The following MMEL1 variants were observed in gnomAD, a reference collection of about 807,000 sequenced individuals.
MMEL1 encodes the protein membrane metallo-endopeptidase-like 1.
In MMEL1, 98 loss-of-function variants were observed where a neutral mutation model predicts 117.1. The observed-to-expected ratio is 0.84, with a 90% confidence interval of 0.71 to 0.99. The LOEUF (loss-of-function observed/expected upper bound fraction) is 0.99. MMEL1 is among the 50% of genes least tolerant of loss of function. The pLI is 0.00. For missense variants in MMEL1, 1,014 were observed against 1,049.1 expected, an observed-to-expected ratio of 0.97 and a Z score of 0.46; for synonymous variants, 390 against 415.1, an observed-to-expected ratio of 0.94 and a Z score of 0.74.
chr1:2,594,268 T>C, intron 18 of MMEL1, 117 bp downstream of exon 18: 1 of 1,133,872 alleles, frequency 8.8e-7, no homozygotes, highest in Non-Finnish European at 1.3e-6. Context: ...CATAGGAGAA[T>C]GTTCCAAGAA....
Position 2,595,299 on chromosome 1 carries a change from G to C in MMEL1, c.1561C>G (p.Arg521Gly), listed in dbSNP as rs745908222. 6.2e-7 allele frequency: 1 copy of C among 1,613,660 alleles called. No homozygotes were observed. Among genetic ancestry groups the C allele is most frequent in the Non-Finnish European group, 8.5e-7 (1 of 1,179,994 alleles). The change falls in exon 16 of 24, where the codon CGC (arginine) becomes GGC (glycine). Residue 521 changes from arginine to glycine, a missense_variant. Arg to Gly is a moderately radical substitution (Grantham distance 125). Transcript: ENST00000378412. This position sits in a 1 kb window ranked among gnomAD's most constrained non-coding sequence, Gnocchi z 4.8. ...ACATTGGAGTACTCCTCGTCCAGGC[G>C]CCTGTTCATCTCCTCCAGGATGTAG... ...PDYILEEMNRRLDEEYSNLNF... is the reference protein window; with the variant it reads ...PDYILEEMNRGLDEEYSNLNF...
chr1:2,612,169 A>G lies in MMEL1; in HGVS notation c.190T>C (p.Phe64Leu), dbSNP rs780446615. The G allele has an allele frequency of 1.3e-6, 2 of 1,581,672 alleles. No homozygotes were observed. The change falls in exon 3 of 24, where the codon TTC becomes CTC. Residue 64 changes from phenylalanine to leucine, a missense_variant. Coordinates refer to ENST00000378412, the MANE Select transcript of MMEL1 (RefSeq NM_033467.4). The surrounding 1 kb of genome is among the most constrained non-coding windows in gnomAD (Gnocchi z 5.4). ...ACAAAGGTCCTCTCCTCCTGTAAGAAGCACAGCCGGCTAGCAAGGCGTGGC... is the reference window on the plus strand; with the variant it reads ...ACAAAGGTCCTCTCCTCCTGTAAGAGGCACAGCCGGCTAGCAAGGCGTGGC... Reference protein sequence around the residue: ...QLPRLASRLCFLQEERTFVKR... With the variant: ...QLPRLASRLCLLQEERTFVKR...
chr1:2,592,880 T>TC lies in MMEL1; in HGVS notation c.1953dup (p.Ile652AspfsTer29). The TC allele has an allele frequency of 1.2e-6, 2 of 1,613,712 alleles. No homozygotes were observed. The highest frequency in any genetic ancestry group is 1.7e-6 in the Non-Finnish European group (2 of 1,179,924). On this transcript the variant is annotated frameshift_variant, in exon 20 of 24. Transcript: ENST00000378412. LOFTEE classifies it high-confidence loss of function. ...CAGGAGTAGTTGCCGTACTGGTAGATCATGCACTCTGACTGCTCCCGGAAG... is the reference window on the plus strand; with the variant it reads ...CAGGAGTAGTTGCCGTACTGGTAGATCCATGCACTCTGACTGCTCCCGGAAG...
At chr1:2,596,256 G>T in intron 14 of MMEL1, 149 bp from the exon 15 acceptor site, 1 of 777,404 alleles carries the variant, frequency 1.3e-6, no homozygotes, top group South Asian at 1.7e-5. Context: ...GTGTGGGGCC[G>T]GTGGGGGGAT....
At chr1:2,610,196 T>C (rs1209428009) in intron 4 of MMEL1, among the ~76,000 whole-genome samples, 1 of 152,066 alleles carries the variant, frequency 6.6e-6, no homozygotes, top group Non-Finnish European at 1.5e-5. Flanking sequence ...GTGTGTCTCC[T>C]CTCCCGAATG....
rs1001817311 is a variant in MMEL1, at chr1:2,590,762, C to T, written c.*228G>A. The T allele has an allele frequency of 7.4e-6, 3 of 404,538 alleles. No homozygotes were observed. Among genetic ancestry groups the T allele is most frequent in the South Asian group, 1.0e-4 (1 of 9,672 alleles). 25.1% of individuals were successfully genotyped at this position (404,538 alleles called of 1,614,324 possible). ...GAGCTGTGACGGGGGCACTGAGCCC[C>T]GCGGGTGTCTGTGGAGGGGGCTCCG... On this transcript the variant is annotated 3_prime_UTR_variant, in exon 24 of 24. Transcript: ENST00000378412.
At chr1:2,598,909 G>T in intron 11 of MMEL1, 119 bp from the exon 12 acceptor site, 2 of 808,838 alleles carry the variant, frequency 2.5e-6, no homozygotes, top group Non-Finnish European at 3.8e-6. Flanking sequence ...AGAAGTGCAG[G>T]TAATCAGAAT....
Position 2,596,615 on chromosome 1 carries a change from G to T in MMEL1, c.1347C>A (p.Asn449Lys). 1 of 1,613,106 alleles carries T rather than the reference G, an allele frequency of 6.2e-7. No individual in the cohort carries two copies. ...CVGYVNSNME[N>K]AVGSLYVREA... ...CCCTGACGTAGAGGGAGCCCACGGC[G>T]TTCTCCATGTTGCTGTTGACGTAGC... The change falls in exon 14 of 24, where the codon AAC becomes AAA. Residue 449 changes from asparagine (N) to lysine (K), a missense_variant. By Grantham distance (94) the Asn-to-Lys change is moderately conservative. Coordinates refer to ENST00000378412, the MANE Select transcript of MMEL1 (RefSeq NM_033467.4).
intron 8 of MMEL1, among the ~76,000 whole-genome samples, chr1:2,606,010 G>A (rs368602648): frequency 1.6e-4 from 25 of 152,270 alleles, no homozygotes; most frequent in African/African-American, 2.4e-4. Flanking sequence ...AGGAGCCCCC[G>A]CCCCTCTGAC....
intron 2 of MMEL1, among the ~76,000 whole-genome samples, chr1:2,625,161 C>T (rs1425636870): frequency 6.6e-6 from 1 of 152,176 alleles, no homozygotes; most frequent in Non-Finnish European, 1.5e-5. Flanking sequence ...ATCTCATGTC[C>T]TTCTCACATT....
intron 22 of MMEL1, 72 bp downstream of exon 22, chr1:2,591,848 GGTCCCTGGAGGT>G: frequency 7.3e-7 from 1 of 1,377,006 alleles, no homozygotes; most frequent in Admixed American, 1.7e-5. Flanking sequence ...GCTGGGCTCT[GGTCCCTGGAGGT>G]GCCCCAGAGT....
chr1:2,620,565 A>T (rs1645274213), intron 2 of MMEL1, among the ~76,000 whole-genome samples: 1 of 151,998 alleles, frequency 6.6e-6, no homozygotes, highest in African/African-American at 2.4e-5. Context: ...TAATGTGACT[A>T]TTTGGGGATA....
intron 9 of MMEL1, among the ~76,000 whole-genome samples, chr1:2,604,751 T>C (rs951112482): frequency 6.6e-6 from 1 of 152,138 alleles, no homozygotes; most frequent in African/African-American, 2.4e-5. Flanking sequence ...CTCAGGGAGC[T>C]GCCTTCCTCG....
rs561814032 is a variant in MMEL1, at chr1:2,598,791, C to G, written c.1042-1G>C. ...GTATGAACAGAGTCCAGTTAAATCCCTGCAGATAGAGGAAGTGGGGAGAAA... is the reference window on the plus strand; with the variant it reads ...GTATGAACAGAGTCCAGTTAAATCCGTGCAGATAGAGGAAGTGGGGAGAAA... On this transcript the variant is annotated splice_acceptor_variant, in intron 11 of 23. Coordinates refer to ENST00000378412, the MANE Select transcript of MMEL1 (RefSeq NM_033467.4). LOFTEE classifies it high-confidence loss of function. The G allele has an allele frequency of 6.2e-7, 1 of 1,608,674 alleles. No individual in the cohort carries two copies. Among genetic ancestry groups the G allele is most frequent in the Middle Eastern group, 1.7e-4 (1 of 6,048 alleles).
At chr1:2,602,810 T>C (rs1011562051) in intron 11 of MMEL1, among the ~76,000 whole-genome samples, 39 of 152,370 alleles carry the variant, frequency 2.6e-4, no homozygotes, top group African/African-American at 9.1e-4. Flanking sequence ...TGGCCCCAGA[T>C]GGCCATGGCC....
At position 2,633,009 on chromosome 1, in the gene MMEL1, G is replaced by C. The variant is rs1020739395; in HGVS notation, c.-181C>G. 1 of 985,712 alleles carries C rather than the reference G, an allele frequency of 1.0e-6. No homozygotes were observed. Among genetic ancestry groups the C allele is most frequent in the Non-Finnish European group, 1.2e-6 (1 of 830,264 alleles). The allele number at this position is 985,712 out of a possible 1,614,324, so 61.1% of individuals were successfully genotyped here. A position where few individuals can be genotyped will look rare whatever the true frequency, so the allele number is the denominator to read the frequency against. ...GAGCAGTGGCTTGGGGCTGAGTTGAGGCTGCCTGAAGGCTTCTGGGCCTCC... is the reference window on the plus strand; with the variant it reads ...GAGCAGTGGCTTGGGGCTGAGTTGACGCTGCCTGAAGGCTTCTGGGCCTCC... On this transcript the variant is annotated 5_prime_UTR_variant, in exon 1 of 24. Transcript: ENST00000378412.
intron 2 of MMEL1, among the ~76,000 whole-genome samples, chr1:2,621,315 A>G (rs1348131572): frequency 1.3e-5 from 2 of 152,200 alleles, no homozygotes; most frequent in African/African-American, 4.8e-5. Context: ...AGAGACCTTA[A>G]GACTGAGAGA....
intron 9 of MMEL1, among the ~76,000 whole-genome samples, chr1:2,605,353 C>T (rs1286022251): frequency 2.0e-5 from 3 of 152,154 alleles, no homozygotes; most frequent in Admixed American, 6.5e-5. Context: ...AGGCCTGGCC[C>T]GGGTGTTGAG....
Position 2,596,608 on chromosome 1 carries a change from C to T in MMEL1, c.1354G>A (p.Gly452Ser), listed in dbSNP as rs1644845085. ...AACGCCTCCCTGACGTAGAGGGAGCCCACGGCGTTCTCCATGTTGCTGTTG... is the reference window on the plus strand; with the variant it reads ...AACGCCTCCCTGACGTAGAGGGAGCTCACGGCGTTCTCCATGTTGCTGTTG... ...YVNSNMENAV[G>S]SLYVREAFPG... is the part of the protein sequence containing the mutation. The change falls in exon 14 of 24, where the codon GGC (glycine) becomes AGC (serine). Residue 452 changes from glycine (G) to serine (S), a missense_variant. Transcript: ENST00000378412. 6.2e-7 allele frequency: 1 copy of T among 1,613,018 alleles called. No homozygotes were observed. The highest frequency in any genetic ancestry group is 8.5e-7 in the Non-Finnish European group (1 of 1,179,838).
Sources: allele counts gnomAD v4.1 joint callset (sites outside exome capture counted in the v4.1 genomes callset), GRCh38; gene constraint gnomAD v4.1.1; non-coding constraint Gnocchi (gnomAD v3.1); transcripts MANE v1.5; gene names NCBI Gene and HGNC (gene_info 2026-07-23, HGNC 2026-07-21).